GLYATL2: variants seen among roughly 807,000 people sequenced by gnomAD.
The protein encoded by GLYATL2 is glycine-N-acyltransferase like 2.
A neutral mutation model predicts 21.4 loss-of-function variants in GLYATL2; 25 were observed. That is an observed-to-expected ratio of 1.17 (90% CI 0.85 to 1.63). The LOEUF (loss-of-function observed/expected upper bound fraction) is 1.63, where lower values mean the gene tolerates loss of function less well. GLYATL2 is among the 40% of genes most tolerant of loss of function. The pLI is 0.00. For missense variants in GLYATL2, 361 were observed against 343.3 expected (o/e 1.05, Z -0.41); for synonymous variants, 114 against 118.2 (o/e 0.96, Z 0.23).
chr11:58,878,540 C>T (rs1248544312), intron 1 of GLYATL2, among the ~76,000 whole-genome samples: 1 of 152,138 alleles, frequency 6.6e-6, no homozygotes, highest in Non-Finnish European at 1.5e-5. Flanking sequence ...GGCTTCGATC[C>T]CCTTAGAGGC....
intron 1 of GLYATL2, 47 bp from the exon 2 acceptor site, chr11:58,839,699 G>A (rs942787474): frequency 1.8e-5 from 16 of 874,126 alleles, no homozygotes; most frequent in Non-Finnish European, 2.9e-5. Context: ...AGATATGATA[G>A]GTGTCCAGAA....
chr11:58,876,867 T>A (rs1310261474), intron 1 of GLYATL2, among the ~76,000 whole-genome samples: 1 of 152,264 alleles, frequency 6.6e-6, no homozygotes, highest in African/African-American at 2.4e-5. Flanking sequence ...CTTTTGTTTT[T>A]CTGTGTCCTG....
intron 1 of GLYATL2, among the ~76,000 whole-genome samples, chr11:58,878,536 G>C (rs910569376): frequency 6.6e-6 from 1 of 152,210 alleles, no homozygotes; most frequent in East Asian, 1.9e-4. Flanking sequence ...AGCTGGCTTC[G>C]ATCCCCTTAG....
chr11:58,855,202 G>A (rs1468068688), intron 1 of GLYATL2, among the ~76,000 whole-genome samples: 2 of 152,148 alleles, frequency 1.3e-5, no homozygotes, highest in Non-Finnish European at 2.9e-5. Context: ...AAATCACAAT[G>A]TATTGCAGCT....
chr11:58,903,764 G>A (rs930717033), intron 1 of GLYATL2, among the ~76,000 whole-genome samples: 2 of 152,142 alleles, frequency 1.3e-5, no homozygotes, highest in Admixed American at 6.5e-5. Context: ...CTCCTTTTGT[G>A]TGTCTTTTAT....
chr11:58,906,632 C>T (rs1253302730), upstream of GLYATL2, among the ~76,000 whole-genome samples: 1 of 152,196 alleles, frequency 6.6e-6, no homozygotes, highest in African/African-American at 2.4e-5. Context: ...TAGCAAGGTG[C>T]ATTTCTCCCC....
At chr11:58,869,000 G>C (rs1423565149) in intron 1 of GLYATL2, among the ~76,000 whole-genome samples, 3 of 150,346 alleles carry the variant, frequency 2.0e-5, no homozygotes, top group African/African-American at 7.3e-5. Context: ...TGTGTGTCCA[G>C]GCAAGTGAGT....
rs1854028088 is a variant in GLYATL2 at position 58,866,656 on chromosome 11, A to G, written n.61-28288T>C. On this transcript the variant is annotated intron_variant and non_coding_transcript_variant, in intron 1 of 4. Transcript: ENST00000533636. ...CCCTAGAAGGACTACTGGTGAAAAA[A>G]CATTTCTCCAAGATTTGAGAGTCTG... 1.3e-5 allele frequency among the ~76,000 whole-genome samples: 2 copies of G among 149,074 alleles called. 1 individual carries two copies. Among genetic ancestry groups the G allele is most frequent in the Non-Finnish European group, 3.0e-5 (2 of 67,190 alleles).
Position 58,837,353 on chromosome 11 carries a change from G to T in GLYATL2, c.231C>A (p.Ile77=), listed in dbSNP as rs192162019. The T allele has an allele frequency of 6.1e-5, 98 of 1,613,618 alleles. No homozygotes were observed. The highest frequency in any genetic ancestry group is 7.4e-5 in the Non-Finnish European group (87 of 1,179,536). The change falls in exon 4 of 6, where the codon ATC becomes ATA. Residue 77 remains isoleucine, a synonymous_variant. Transcript: ENST00000287275. The stretch of plus-strand genomic sequence containing the variant: ...CTAATTTGTCAGGAGCTTTGGTGAA[G>T]ATGTGGTAAGTGTTGGTATAATGAT... ...DQDHYTNTYH[I]FTKAPDKLEE...
chr11:58,877,874 A>C (rs1184147084), intron 1 of GLYATL2, among the ~76,000 whole-genome samples: 2 of 152,226 alleles, frequency 1.3e-5, no homozygotes, highest in Non-Finnish European at 2.9e-5. Context: ...GTACTTCTAC[A>C]TTTCAGTCCT....
At chr11:58,890,474 A>G (rs1172838137) in intron 1 of GLYATL2, among the ~76,000 whole-genome samples, 2 of 152,162 alleles carry the variant, frequency 1.3e-5, no homozygotes, top group Non-Finnish European at 2.9e-5. Flanking sequence ...ATATATTCCT[A>G]TGGAATACCA....
intron 1 of GLYATL2, among the ~76,000 whole-genome samples, chr11:58,867,565 A>T (rs1220690848): frequency 6.7e-6 from 1 of 148,906 alleles, no homozygotes; most frequent in African/African-American, 2.4e-5. Flanking sequence ...GAGACCTAGA[A>T]TCAGAGGTCC....
At chr11:58,905,453 A>C (rs541967442), upstream of GLYATL2, 4 of 455,912 alleles carry the variant, frequency 8.8e-6, no homozygotes, top group Non-Finnish European at 1.8e-5. Flanking sequence ...CAATGGCCAC[A>C]CACCGAAGCA....
upstream of GLYATL2, among the ~76,000 whole-genome samples, chr11:58,904,761 C>A (rs1226961515): frequency 6.6e-6 from 1 of 152,216 alleles, no homozygotes. Context: ...TTTCAGGAGT[C>A]TCTGTGTATT....
intron 1 of GLYATL2, among the ~76,000 whole-genome samples, chr11:58,877,655 A>G (rs756756288): frequency 1.7e-4 from 26 of 152,258 alleles, no homozygotes; most frequent in African/African-American, 6.3e-4. Context: ...AGAATGATCT[A>G]TTAAGATGAG....
the GLYATL2 span, among the ~76,000 whole-genome samples, chr11:58,909,725 G>A: frequency 6.6e-6 from 1 of 152,184 alleles, no homozygotes; most frequent in South Asian, 2.1e-4. Context: ...AGACTGGTAA[G>A]GTAGTGTGGT....
chr11:58,878,329 C>T (rs903557587), intron 1 of GLYATL2: 2 of 597,242 alleles, frequency 3.3e-6, no homozygotes, highest in Non-Finnish European at 5.2e-6. Flanking sequence ...AAGGATGCTA[C>T]ATGCAGGATC....
intron 5 of GLYATL2, 94 bp downstream of exon 5, chr11:58,836,921 A>T: frequency 9.3e-7 from 1 of 1,078,584 alleles, no homozygotes; most frequent in East Asian, 2.4e-5. Flanking sequence ...AGCCCATCAT[A>T]ATTTAGTCTC....
upstream of GLYATL2, among the ~76,000 whole-genome samples, chr11:58,845,397 T>C (rs372005708): frequency 3.9e-5 from 6 of 152,242 alleles, 1 homozygote; most frequent in African/African-American, 1.4e-4. Context: ...GGGCAAAAAC[T>C]TGATACAAGC....
Sources: gnomAD v4.1 joint callset for allele counts (sites outside exome capture counted in the v4.1 genomes callset) on GRCh38, gnomAD v4.1.1 for gene constraint, MANE v1.5 for transcripts, NCBI Gene and HGNC (gene_info 2026-07-23, HGNC 2026-07-21) for gene names.